PID1: variants seen among roughly 807,000 people sequenced by gnomAD.
The protein encoded by PID1 is PTB-containing, cubilin and LRP1-interacting protein.
PID1 carries 10 observed loss-of-function variants against 19.1 expected under a neutral mutation model. The ratio of observed to expected loss-of-function variants is 0.52; its 90% CI spans 0.32 to 0.89. The LOEUF (loss-of-function observed/expected upper bound fraction) is 0.89. PID1 is among the 40% of genes least tolerant of loss of function. The pLI is 0.03. For synonymous variants in PID1, 130 were observed against 116.0 expected (o/e 1.12, Z -0.78); for missense variants, 248 against 285.3 (o/e 0.87, Z 0.94).
In PID1 at chr2:229,025,822, T is replaced by C. The variant is rs752250623; in HGVS notation, c.464A>G (p.Asn155Ser). 17 of 1,614,110 alleles carry C rather than the reference T, an allele frequency of 1.1e-5. No individual in the cohort carries two copies. Among genetic ancestry groups the C allele is most frequent in the African/African-American group, 1.3e-5 (1 of 74,950 alleles). Residue 155 changes from asparagine (N) to serine (S), a missense_variant, in exon 3 of 3, where the codon AAT becomes AGT. By Grantham distance (46) the Asn-to-Ser change is conservative (BLOSUM62 1). Coordinates refer to ENST00000392055, the MANE Select transcript of PID1 (RefSeq NM_001100818.2). Reference protein sequence around the residue: ...NIFAWVYREINDDLSYQMDCH... With the variant: ...NIFAWVYREISDDLSYQMDCH... ...GTCCATCTGGTAGGACAGGTCATCA[T>C]TGATCTCCCTGTAGACCCAGGCGAA...
At chr2:229,242,835 T>C (rs1053903242) in intron 1 of PID1, among the ~76,000 whole-genome samples, 14 of 152,082 alleles carry the variant, frequency 9.2e-5, no homozygotes, top group Admixed American at 2.6e-4. Flanking sequence ...TATAGCCCAG[T>C]TGTGCTTCCA....
At chr2:229,077,315 T>G (rs1409647602) in intron 2 of PID1, among the ~76,000 whole-genome samples, 1 of 152,204 alleles carries the variant, frequency 6.6e-6, no homozygotes, top group African/African-American at 2.4e-5. Context: ...TTGCAAAAAT[T>G]TTCTCCAACT....
chr2:229,112,909 C>A (rs1199867879), intron 2 of PID1, among the ~76,000 whole-genome samples: 1 of 152,150 alleles, frequency 6.6e-6, no homozygotes, highest in African/African-American at 2.4e-5. Context: ...CAGTCATGAA[C>A]AATGTTTTCA....
intron 1 of PID1, among the ~76,000 whole-genome samples, chr2:229,252,900 G>A (rs1690191534): frequency 6.6e-6 from 1 of 152,206 alleles, no homozygotes; most frequent in Admixed American, 6.5e-5. Context: ...GGGTGGGGAA[G>A]GGGGTAGGGG....
chr2:229,057,890 C>T (rs373988477), intron 2 of PID1, among the ~76,000 whole-genome samples: 4 of 152,162 alleles, frequency 2.6e-5, no homozygotes, highest in African/African-American at 9.7e-5. Context: ...GCAGAAGATA[C>T]GTAAAATCAG....
chr2:229,047,584 A>G (rs1210943976), intron 2 of PID1, among the ~76,000 whole-genome samples: 1 of 152,326 alleles, frequency 6.6e-6, no homozygotes, highest in East Asian at 1.9e-4. Context: ...AAAGATAATA[A>G]TAACATTTAG....
chr2:229,026,274 C>CAA, intron 2 of PID1, among the ~76,000 whole-genome samples, 166 bp from the exon 3 acceptor site: 1 of 152,366 alleles, frequency 6.6e-6, no homozygotes, highest in African/African-American at 2.4e-5. Flanking sequence ...TCTACCTTTT[C>CAA]TCTCTAATGA....
At chr2:229,162,890 T>A (rs1293469331) in intron 1 of PID1, among the ~76,000 whole-genome samples, 6 of 152,220 alleles carry the variant, frequency 3.9e-5, no homozygotes, top group African/African-American at 1.2e-4. Flanking sequence ...TAATGAAAAT[T>A]CTTAGATTTC....
chr2:229,123,205 A>C (rs2106160155), intron 2 of PID1, among the ~76,000 whole-genome samples: 1 of 152,276 alleles, frequency 6.6e-6, no homozygotes, highest in African/African-American at 2.4e-5. Flanking sequence ...AGCCTAAGGC[A>C]ACCACTAATC....
At chr2:229,066,110 C>G (rs932686742) in intron 2 of PID1, among the ~76,000 whole-genome samples, 3 of 151,858 alleles carry the variant, frequency 2.0e-5, no homozygotes, top group African/African-American at 7.3e-5. Context: ...AAAAGAAAAA[C>G]AAAAAAACAA....
intron 1 of PID1, among the ~76,000 whole-genome samples, chr2:229,242,822 T>C (rs983373257): frequency 2.0e-5 from 3 of 152,104 alleles, no homozygotes; most frequent in Non-Finnish European, 4.4e-5. Flanking sequence ...TAAAATGTTG[T>C]GCTATAGCCC....
intron 1 of PID1, among the ~76,000 whole-genome samples, chr2:229,167,562 G>A (rs1042279863): frequency 9.9e-5 from 15 of 152,080 alleles, no homozygotes; most frequent in African/African-American, 2.9e-4. Flanking sequence ...AAAAGGCAGA[G>A]AATGGCAGTA....
intron 1 of PID1, among the ~76,000 whole-genome samples, chr2:229,267,597 T>C (rs1178421502): frequency 6.6e-6 from 1 of 152,174 alleles, no homozygotes; most frequent in Non-Finnish European, 1.5e-5. Context: ...CAGTCTTGAT[T>C]CATCTTTCTC....
chr2:229,146,954 G>A (rs1007383915), intron 2 of PID1, among the ~76,000 whole-genome samples: 2 of 152,160 alleles, frequency 1.3e-5, no homozygotes, highest in African/African-American at 4.8e-5. Flanking sequence ...CTGACACCTG[G>A]ATTTCTGTCC....
intron 1 of PID1, among the ~76,000 whole-genome samples, chr2:229,243,434 C>T (rs1689925336): frequency 1.3e-5 from 2 of 152,196 alleles, no homozygotes; most frequent in South Asian, 4.1e-4. Context: ...CCCCACTCTG[C>T]TTTTATTATA....
intron 2 of PID1, among the ~76,000 whole-genome samples, chr2:229,107,503 CAAAA>C (rs36057425): frequency 4.2e-5 from 5 of 119,230 alleles, no homozygotes; most frequent in Admixed American, 1.7e-4. Context: ...AATATATCAC[CAAAA>C]AAAAAAAAAA....
At chr2:229,180,007 A>C (rs535959997) in intron 1 of PID1, among the ~76,000 whole-genome samples, 4 of 152,222 alleles carry the variant, frequency 2.6e-5, no homozygotes, top group Non-Finnish European at 5.9e-5. Flanking sequence ...ACAAGAGCCA[A>C]GTCAAAGGGA....
chr2:229,257,367 A>G (rs1351097941), intron 1 of PID1, among the ~76,000 whole-genome samples: 2 of 152,122 alleles, frequency 1.3e-5, no homozygotes, highest in Non-Finnish European at 2.9e-5. Flanking sequence ...CTTTGTGTGC[A>G]CATCCTTTGC....
At chr2:229,228,996 G>A (rs1204135080) in intron 1 of PID1, among the ~76,000 whole-genome samples, 2 of 152,186 alleles carry the variant, frequency 1.3e-5, no homozygotes. Context: ...AGATATGGAA[G>A]GCTGTGGCTT....
Sources: allele counts gnomAD v4.1 joint callset (sites outside exome capture counted in the v4.1 genomes callset), GRCh38; gene constraint gnomAD v4.1.1; transcripts MANE v1.5; gene names NCBI Gene and HGNC (gene_info 2026-07-23, HGNC 2026-07-21).